MAP3K13: variants seen among roughly 807,000 people sequenced by gnomAD.
The protein encoded by MAP3K13 is leucine zipper-bearing kinase.
Under a neutral mutation model 104.0 loss-of-function variants are expected in MAP3K13, and 52 were observed. That is an observed-to-expected ratio of 0.50 (90% CI 0.40 to 0.63). The LOEUF is 0.63. Ranked by LOEUF, MAP3K13 falls within the 20% of genes least tolerant of loss-of-function variation. The pLI is 0.00. For synonymous variants in MAP3K13, 394 were observed against 442.2 expected, an observed-to-expected ratio of 0.89 and a Z score of 1.37; for missense variants, 914 against 1,218.5, an observed-to-expected ratio of 0.75 and a Z score of 3.72.
intron 7 of MAP3K13, among the ~76,000 whole-genome samples, chr3:185,455,191 GATAT>G (rs765943374): frequency 1.2e-5 from 1 of 82,220 alleles, no homozygotes; most frequent in African/African-American, 4.9e-5. Context: ...ATATATATGA[GATAT>G]ATATATGATA....
intron 1 of MAP3K13, among the ~76,000 whole-genome samples, chr3:185,419,484 A>T (rs1012954563): frequency 1.3e-5 from 2 of 152,248 alleles, no homozygotes; most frequent in African/African-American, 4.8e-5. Flanking sequence ...CAAATAATGC[A>T]TGCTAATGGT....
intron 12 of MAP3K13, chr3:185,480,026 C>A (rs193052950): frequency 6.9e-4 from 416 of 603,382 alleles, no homozygotes; most frequent in Admixed American, 2.3e-3. Context: ...GGTATTAGGG[C>A]CTCAACATGG....
Position 185,455,433 on chromosome 3 carries a change from A to AGATATATAT in MAP3K13, c.1278+4039_1278+4047dup, listed in dbSNP as rs1560119518. ...ATATGAGATATATATGATATATATGAGATATATATATGAGATATATATCAT... is the reference window on the plus strand; with the variant it reads ...ATATGAGATATATATGATATATATGAGATATATATGATATATATATGAGATATATATCAT... On this transcript the variant is annotated intron_variant, in intron 7 of 13. Coordinates refer to ENST00000265026, the MANE Select transcript of MAP3K13 (RefSeq NM_004721.5). 8.6e-4 allele frequency among the ~76,000 whole-genome samples: 59 copies of AGATATATAT among 68,506 alleles called. 3 individuals carry two copies. The highest frequency in any genetic ancestry group is 2.6e-3 in the African/African-American group (59 of 22,730). The allele number at this position is 68,506 out of a possible 152,430, so 44.9% of individuals were successfully genotyped here. A position where few individuals can be genotyped will look rare whatever the true frequency, so the allele number is the denominator to read the frequency against.
intron 2 of MAP3K13, among the ~76,000 whole-genome samples, chr3:185,430,738 A>G (rs1714696910): frequency 6.6e-6 from 1 of 152,204 alleles, no homozygotes; most frequent in Admixed American, 6.5e-5. Flanking sequence ...AAATTTTAAA[A>G]TAATCTATGA....
intron 2 of MAP3K13, among the ~76,000 whole-genome samples, chr3:185,341,541 C>T (rs779182791): frequency 3.3e-5 from 5 of 152,144 alleles, no homozygotes; most frequent in Non-Finnish European, 7.4e-5. Context: ...ACTAATGCAA[C>T]GTTTAACCCA....
chr3:185,468,680 T>C (rs1044351800), intron 10 of MAP3K13, among the ~76,000 whole-genome samples: 3 of 152,230 alleles, frequency 2.0e-5, no homozygotes, highest in Non-Finnish European at 4.4e-5. Flanking sequence ...GACTAATAGG[T>C]ACCTAACTTC....
intron 4 of MAP3K13, 30 bp from the exon 5 acceptor site, chr3:185,447,759 C>T: frequency 1.3e-6 from 2 of 1,554,838 alleles, no homozygotes; most frequent in Non-Finnish European, 1.7e-6. Flanking sequence ...ACTAATGATC[C>T]AGATGTTTTC....
intron 1 of MAP3K13, among the ~76,000 whole-genome samples, chr3:185,422,400 T>C (rs1714183744): frequency 6.6e-6 from 1 of 152,220 alleles, no homozygotes; most frequent in Admixed American, 6.5e-5. Context: ...TATTCCTTGA[T>C]TGTCCTGTTT....
At chr3:185,452,423 G>A (rs1715943579) in intron 7 of MAP3K13, among the ~76,000 whole-genome samples, 1 of 152,048 alleles carries the variant, frequency 6.6e-6, no homozygotes, top group African/African-American at 2.4e-5. Context: ...TTTTGGTAGA[G>A]ATGTGGTTTC....
chr3:185,354,445 C>G (rs1723264798), intron 2 of MAP3K13, among the ~76,000 whole-genome samples: 1 of 150,422 alleles, frequency 6.6e-6, no homozygotes. Context: ...CTCCGCTGCC[C>G]TCTGTTGACA....
At chr3:185,453,308 A>G (rs1220450629) in intron 7 of MAP3K13, among the ~76,000 whole-genome samples, 3 of 152,172 alleles carry the variant, frequency 2.0e-5, no homozygotes, top group Admixed American at 6.6e-5. Flanking sequence ...TTGTAAAGTG[A>G]ATCGCATCTC....
At chr3:185,295,301 G>A (rs1421592096) in intron 2 of MAP3K13, among the ~76,000 whole-genome samples, 1 of 152,034 alleles carries the variant, frequency 6.6e-6, no homozygotes, top group African/African-American at 2.4e-5. Context: ...CGCCTCCCAG[G>A]TTCAAGCAGT....
chr3:185,456,663 G>A (rs542038482), intron 7 of MAP3K13, among the ~76,000 whole-genome samples: 11 of 135,694 alleles, frequency 8.1e-5, no homozygotes, highest in African/African-American at 3.0e-4. Context: ...GTGCAGTGTC[G>A]CAATCTCTGC....
chr3:185,450,914 C>T lies in MAP3K13; in HGVS notation c.1170-373C>T, dbSNP rs1170098053. On this transcript the variant is annotated intron_variant, in intron 6 of 13. Transcript: ENST00000265026. This position sits in a 1 kb window ranked among gnomAD's most constrained non-coding sequence, Gnocchi z 4.2. ...ACCATCCTGGTTAACACGATGAAAC[C>T]CCGTCTCTACTAAAAATACAAAAAA... Among the ~76,000 whole-genome samples, 5 of 152,122 alleles carry T rather than the reference C, an allele frequency of 3.3e-5. No individual in the cohort carries two copies. Among genetic ancestry groups the T allele is most frequent in the African/African-American group, 9.7e-5 (4 of 41,422 alleles).
chr3:185,355,070 A>G (rs1475821347), intron 2 of MAP3K13, among the ~76,000 whole-genome samples: 1 of 152,224 alleles, frequency 6.6e-6, no homozygotes, highest in Non-Finnish European at 1.5e-5. Flanking sequence ...TGTAAACTGT[A>G]AAGTGCAGTA....
intron 2 of MAP3K13, among the ~76,000 whole-genome samples, chr3:185,437,149 A>T (rs1272119388): frequency 1.3e-5 from 2 of 152,100 alleles, no homozygotes; most frequent in Non-Finnish European, 2.9e-5. Flanking sequence ...ATTGACTGAC[A>T]TGCAAGCTTA....
intron 2 of MAP3K13, among the ~76,000 whole-genome samples, chr3:185,351,107 G>A (rs966188453): frequency 6.6e-6 from 1 of 152,170 alleles, no homozygotes; most frequent in African/African-American, 2.4e-5. Context: ...ACTAATACAG[G>A]AACAGAGCAC....
In MAP3K13 at chr3:185,418,796, G is replaced by A; in HGVS notation, c.-85-9701G>A. 4 of 1,588,512 alleles carry A rather than the reference G, an allele frequency of 2.5e-6. No individual in the cohort carries two copies. In the South Asian group the frequency reaches 4.5e-5, roughly 18 times the overall value. ...CACGCCATGGCGGAGAGAGGAGACA[G>A]CCACGCTCCTCTCAGCCCGGCTGCT... On this transcript the variant is annotated intron_variant, in intron 1 of 13. Coordinates refer to ENST00000265026, the MANE Select transcript of MAP3K13 (RefSeq NM_004721.5). The surrounding 1 kb of genome is among the most constrained non-coding windows in gnomAD (Gnocchi z 4.5).
At chr3:185,305,397 C>T (rs9875687) in intron 2 of MAP3K13, among the ~76,000 whole-genome samples, 119,408 of 152,162 alleles carry the variant, frequency 0.78, 47,284 homozygotes, top group Non-Finnish European at 0.84. Context: ...TCTACTCCTT[C>T]ACATATCCTC....
Sources: gnomAD v4.1 joint callset for allele counts (sites outside exome capture counted in the v4.1 genomes callset) on GRCh38, gnomAD v4.1.1 for gene constraint, Gnocchi (gnomAD v3.1) non-coding constraint, MANE v1.5 for transcripts, NCBI Gene and HGNC (gene_info 2026-07-23, HGNC 2026-07-21) for gene names.